The following PCDH7 variants were observed in gnomAD, a reference collection of about 807,000 sequenced individuals.
PCDH7 encodes protocadherin 7.
A neutral mutation model predicts 58.9 loss-of-function variants in PCDH7; 17 were observed. That is an observed-to-expected ratio of 0.29 (90% confidence interval 0.20 to 0.43). The LOEUF is 0.43. Among genes scored for constraint, PCDH7 ranks in the 20% least tolerant of loss-of-function variants. The pLI is 1.00. For missense variants in PCDH7, 1,274 were observed against 1,441.0 expected (o/e 0.88, Z 1.88); for synonymous variants, 664 against 616.4 (o/e 1.08, Z -1.14).
In PCDH7 at chr4:30,871,022, G is replaced by A. The variant is rs376713560; in HGVS notation, c.71-49131G>A. 1.6e-4 allele frequency among the ~76,000 whole-genome samples: 25 copies of A among 152,088 alleles called. No homozygotes were observed. In the South Asian group the frequency reaches 5.2e-3, roughly 32 times the overall value. ...CTCTTCTGTGAGGTTTGCGCTGATG[G>A]CAAATGTTGTTTGAGTTTGGATTAA... On this transcript the variant is annotated intron_variant, in intron 1 of 3. Coordinates refer to the PCDH7 transcript ENST00000509759.
chr4:30,837,990 C>T (rs949035213), intron 1 of PCDH7, among the ~76,000 whole-genome samples: 8 of 150,982 alleles, frequency 5.3e-5, no homozygotes, highest in African/African-American at 1.9e-4. Context: ...TAGCAATCCA[C>T]AAGAGCATGT....
chr4:30,948,551 A>C (rs1233028463), intron 2 of PCDH7, among the ~76,000 whole-genome samples: 1 of 152,164 alleles, frequency 6.6e-6, no homozygotes, highest in Non-Finnish European at 1.5e-5. Context: ...TATTACATGC[A>C]ATATCAATTA....
intron 1 of PCDH7, among the ~76,000 whole-genome samples, chr4:30,758,392 A>G (rs1175855672): frequency 5.3e-5 from 8 of 152,222 alleles, no homozygotes; most frequent in Middle Eastern, 3.2e-3. Context: ...CCTAAGTGTC[A>G]TGAGATGCCA....
chr4:31,042,866 A>G (rs1375820796), intron 3 of PCDH7, among the ~76,000 whole-genome samples: 1 of 152,118 alleles, frequency 6.6e-6, no homozygotes, highest in Middle Eastern at 3.2e-3. Context: ...AAAGAAACAT[A>G]TTTATTATCG....
chr4:30,970,058 A>C, intron 3 of PCDH7, among the ~76,000 whole-genome samples: 1 of 152,182 alleles, frequency 6.6e-6, no homozygotes, highest in East Asian at 1.9e-4. Flanking sequence ...TGCCTCACCC[A>C]ATGTGTTATC....
At chr4:30,967,472 A>G (rs1274167229) in intron 3 of PCDH7, among the ~76,000 whole-genome samples, 1 of 152,286 alleles carries the variant, frequency 6.6e-6, no homozygotes, top group Admixed American at 6.5e-5. Flanking sequence ...ATTTAAAATT[A>G]TAGTTTATAC....
intron 1 of PCDH7, among the ~76,000 whole-genome samples, chr4:30,789,506 C>A (rs932507992): frequency 6.6e-6 from 1 of 152,188 alleles, no homozygotes; most frequent in African/African-American, 2.4e-5. Flanking sequence ...AAGTGCCTCA[C>A]ACAGAAAATA....
intron 3 of PCDH7, among the ~76,000 whole-genome samples, chr4:31,061,311 C>T (rs1378928384): frequency 6.6e-6 from 1 of 151,500 alleles, no homozygotes; most frequent in Non-Finnish European, 1.5e-5. Flanking sequence ...GGTTTGTCTC[C>T]CAACAGTGTT....
intron 1 of PCDH7, among the ~76,000 whole-genome samples, chr4:30,842,263 T>C (rs182084514): frequency 9.9e-5 from 15 of 152,238 alleles, no homozygotes; most frequent in Admixed American, 7.9e-4. Flanking sequence ...AAATAACTTA[T>C]TAAGGAGCAC....
chr4:30,888,224 A>G (rs1255971072), intron 1 of PCDH7, among the ~76,000 whole-genome samples: 1 of 152,096 alleles, frequency 6.6e-6, no homozygotes, highest in Non-Finnish European at 1.5e-5. Context: ...TCATAATTGT[A>G]AAATCCAAAG....
chr4:30,919,455 T>G (rs572768541), intron 1 of PCDH7, among the ~76,000 whole-genome samples: 1 of 152,326 alleles, frequency 6.6e-6, no homozygotes, highest in Non-Finnish European at 1.5e-5. Flanking sequence ...TACATGATTT[T>G]ACTTTATTGA....
In PCDH7 at chr4:31,023,986, G is replaced by A. The variant is rs534025918; in HGVS notation, c.*7+73771G>A. Among the ~76,000 whole-genome samples the A allele has an allele frequency of 5.9e-5, 9 of 152,288 alleles. 1 individual carries two copies. The East Asian group carries it at 9.6e-4, about 16-fold the overall frequency. On this transcript the variant is annotated intron_variant, in intron 3 of 3. Transcript: ENST00000509759. ...CAGCATAAAAGAAGCACTGTCAGAC[G>A]CTTTGGAGACCTTGATGTCCATTTG... is the stretch of plus-strand genomic sequence containing the variant.
chr4:31,001,906 T>C (rs139658039), intron 3 of PCDH7, among the ~76,000 whole-genome samples: 39 of 152,334 alleles, frequency 2.6e-4, no homozygotes, highest in African/African-American at 9.1e-4. Context: ...GAAGTCCTAT[T>C]AACCAATTGC....
intron 3 of PCDH7, among the ~76,000 whole-genome samples, chr4:30,955,499 GTATTTTATTT>G (rs36224344): frequency 3.4e-5 from 4 of 118,580 alleles, no homozygotes; most frequent in Non-Finnish European, 6.2e-5. Context: ...TTTTATTATT[GTATTTTATTT>G]TATTTTATTT....
intron 1 of PCDH7, among the ~76,000 whole-genome samples, chr4:30,847,735 G>A (rs1029298899): frequency 1.3e-5 from 2 of 152,052 alleles, no homozygotes; most frequent in Non-Finnish European, 2.9e-5. Context: ...TAAACAAATT[G>A]CAGTATGATT....
chr4:30,776,335 T>C (rs1211168723), intron 1 of PCDH7: 1 of 152,228 alleles, frequency 6.6e-6, no homozygotes, highest in Non-Finnish European at 1.5e-5. Flanking sequence ...ATGTAGTCTA[T>C]AAGTATGTTT....
intron 3 of PCDH7, among the ~76,000 whole-genome samples, chr4:30,991,854 A>G (rs1384873206): frequency 6.6e-6 from 1 of 152,182 alleles, no homozygotes. Flanking sequence ...GTATTTACAT[A>G]TATATAAGCA....
intron 3 of PCDH7, among the ~76,000 whole-genome samples, chr4:31,112,079 T>C (rs1716389507): frequency 6.6e-6 from 1 of 152,220 alleles, no homozygotes; most frequent in Non-Finnish European, 1.5e-5. Context: ...TGGGAACAGA[T>C]GCTTGTTAAC....
chr4:30,763,166 T>C (rs1000792834), intron 1 of PCDH7, among the ~76,000 whole-genome samples: 1 of 152,180 alleles, frequency 6.6e-6, no homozygotes, highest in African/African-American at 2.4e-5. Flanking sequence ...GAGGTTGCAG[T>C]GAGCTGCCAT....
Sources: gnomAD v4.1 joint callset for allele counts (sites outside exome capture counted in the v4.1 genomes callset) on GRCh38, gnomAD v4.1.1 for gene constraint, MANE v1.5 for transcripts, NCBI Gene and HGNC (gene_info 2026-07-23, HGNC 2026-07-21) for gene names.